The following TMEM147 variants were observed in gnomAD, a reference collection of about 807,000 sequenced individuals.
TMEM147 encodes the protein transmembrane protein 147.
A neutral mutation model predicts 29.4 loss-of-function variants in TMEM147; 29 were observed. The observed-to-expected ratio is 0.99, with a 90% confidence interval of 0.73 to 1.34. The LOEUF is 1.34. Ranked by LOEUF, TMEM147 falls within the 40% of genes most tolerant of loss-of-function variation. The pLI, the probability that TMEM147 is intolerant of heterozygous loss-of-function variation, is 0.00. For missense variants in TMEM147, 260 were observed against 289.4 expected (o/e 0.90, Z 0.74); for synonymous variants, 121 against 111.8 (o/e 1.08, Z -0.52).
chr19:35,546,610 G>A (rs1235293812), intron 3 of TMEM147, 25 bp downstream of exon 3: 2 of 1,610,874 alleles, frequency 1.2e-6, no homozygotes, highest in East Asian at 2.2e-5. Flanking sequence ...GGAAGGGAAG[G>A]GAGTTCAGGA....
chr19:35,546,707 G>T lies in TMEM147; in HGVS notation c.243G>T (p.Leu81=). ...FMKASVDVAD[L]IGLNLVMSRN... is the part of the protein sequence containing the mutation. ...AGGCCAGCGTGGATGTGGCAGACCTGATAGGTCTAAACCTTGTCATGTCCC... is the reference window on the plus strand; with the variant it reads ...AGGCCAGCGTGGATGTGGCAGACCTTATAGGTCTAAACCTTGTCATGTCCC... Residue 81 remains leucine, a synonymous_variant, in exon 4 of 7, where the codon CTG becomes CTT. Transcript: ENST00000222284. 1 of 1,614,160 alleles carries T rather than the reference G, an allele frequency of 6.2e-7. No individual in the cohort carries two copies. The highest frequency in any genetic ancestry group is 8.5e-7 in the Non-Finnish European group (1 of 1,179,994).
chr19:35,547,241 G>C lies in TMEM147; in HGVS notation c.551+1G>C. Reference sequence around the variant, plus strand: ...GTGTCTACAAGGCCTTTGTTATGGAGTGAGTTGGGTGGGGTTTAGGGCTGG... The same window carrying C: ...GTGTCTACAAGGCCTTTGTTATGGACTGAGTTGGGTGGGGTTTAGGGCTGG... On this transcript the variant is annotated splice_donor_variant, in intron 6 of 6. Transcript: ENST00000222284. LOFTEE classifies it high-confidence loss of function. The C allele has an allele frequency of 6.2e-7, 1 of 1,613,950 alleles. No individual in the cohort carries two copies. The highest frequency in any genetic ancestry group is 8.5e-7 in the Non-Finnish European group (1 of 1,179,874).
Position 35,545,936 on chromosome 19 carries a change from C to A in TMEM147, c.126C>A (p.Tyr42Ter), listed in dbSNP as rs1244333090. The A allele has an allele frequency of 1.2e-6, 2 of 1,613,772 alleles. No individual in the cohort carries two copies. The highest frequency in any genetic ancestry group is 1.7e-6 in the Non-Finnish European group (2 of 1,179,898). ...AATGCGTCCAGGCTGGAGTCACCTACCTCTTTGTCCAACTCTGCAAGGTGA... is the reference window on the plus strand; with the variant it reads ...AATGCGTCCAGGCTGGAGTCACCTAACTCTTTGTCCAACTCTGCAAGGTGA... The part of the protein sequence containing the change: ...FWKCVQAGVT[Y>*]LFVQLCKMLF... Residue 42 changes from tyrosine (Y) to a stop codon, truncating the protein, a stop_gained, in exon 2 of 7, where the codon TAC becomes TAA. Transcript: ENST00000222284. LOFTEE classifies it high-confidence loss of function.
chr19:35,545,860 G>A, intron 1 of TMEM147, 28 bp from the exon 2 acceptor site: 1 of 1,613,914 alleles, frequency 6.2e-7, no homozygotes, highest in Non-Finnish European at 8.5e-7. Context: ...GCGGGGCCCG[G>A]GCCGACCCTC....
chr19:35,546,388 C>A, intron 2 of TMEM147, 138 bp from the exon 3 acceptor site: 1 of 1,007,616 alleles, frequency 9.9e-7, no homozygotes, highest in Non-Finnish European at 1.4e-6. Context: ...ATTTTGCCAC[C>A]ATCTGGTGGT....
chr19:35,545,703 G>T lies in TMEM147; in HGVS notation c.-37G>T. ...GACCCGCTCCCGGAGACGCCGCCTC[G>T]CGATCCCCGCGCGGGCGGGACCGGG... On this transcript the variant is annotated 5_prime_UTR_variant, in exon 1 of 7. Coordinates refer to ENST00000222284, the MANE Select transcript of TMEM147 (RefSeq NM_032635.4). 1 of 1,600,408 alleles carries T rather than the reference G, an allele frequency of 6.2e-7. No homozygotes were observed. The highest frequency in any genetic ancestry group is 1.1e-5 in the South Asian group (1 of 90,814).
intron 1 of TMEM147, 30 bp from the exon 2 acceptor site, chr19:35,545,858 C>G: frequency 6.2e-7 from 1 of 1,613,706 alleles, no homozygotes; most frequent in Non-Finnish European, 8.5e-7. Flanking sequence ...GCGCGGGGCC[C>G]GGGCCGACCC....
Position 35,547,366 on chromosome 19 carries a change from A to C in TMEM147, c.594A>C (p.Leu198=), listed in dbSNP as rs1478569080. 1.2e-6 allele frequency: 2 copies of C among 1,613,910 alleles called. No individual in the cohort carries two copies. The highest frequency in any genetic ancestry group is 1.7e-6 in the Non-Finnish European group (2 of 1,180,022). The stretch of plus-strand genomic sequence containing the variant: ...GCTCGCTGGGCAGTTGGGCAGCTCT[A>C]CTGGCCCGAGCAGTGGTAACGGGGC... The part of the protein sequence containing the change: ...HLCSLGSWAA[L]LARAVVTGLL... Residue 198 remains leucine, a synonymous_variant, in exon 7 of 7, where the codon CTA becomes CTC. Coordinates refer to ENST00000222284, the MANE Select transcript of TMEM147 (RefSeq NM_032635.4).
In TMEM147 at chr19:35,546,576, C is replaced by T; in HGVS notation, c.198C>T (p.Asp66=). ...FFPTWEGGIY[D]FIGEFMKASV... is the part of the protein sequence containing the mutation. ...CCACCTGGGAAGGCGGCATCTATGA[C>T]TTCATTGGGGTGAGAGGGGCCAGGG... The change falls in exon 3 of 7, where the codon GAC becomes GAT. Residue 66 remains aspartate, a synonymous_variant. Coordinates refer to ENST00000222284, the MANE Select transcript of TMEM147 (RefSeq NM_032635.4). 6.2e-7 allele frequency: 1 copy of T among 1,613,474 alleles called. No homozygotes were observed. The highest frequency in any genetic ancestry group is 8.5e-7 in the Non-Finnish European group (1 of 1,179,768).
In TMEM147 at chr19:35,546,988, T is replaced by C; in HGVS notation, c.388T>C (p.Trp130Arg). Reference protein sequence around the residue: ...WVGARGIEFDWKYIQMSIDSN... With the variant: ...WVGARGIEFDRKYIQMSIDSN... ...CGGAGCCCGGGGCATTGAGTTTGAC[T>C]GGAAGTACATCCAGATGAGCATAGA... Residue 130 changes from tryptophan (W) to arginine (R), a missense_variant, in exon 5 of 7, where the codon TGG (tryptophan) becomes CGG (arginine). Coordinates refer to ENST00000222284, the MANE Select transcript of TMEM147 (RefSeq NM_032635.4). The C allele has an allele frequency of 6.2e-7, 1 of 1,614,210 alleles. No homozygotes were observed. The highest frequency in any genetic ancestry group is 8.5e-7 in the Non-Finnish European group (1 of 1,180,034).
rs1023688214 is a variant in TMEM147 at position 35,546,052 on chromosome 19, G to A, written c.147+95G>A. 3.3e-5 allele frequency: 46 copies of A among 1,392,620 alleles called. No individual in the cohort carries two copies. In the South Asian group the frequency reaches 5.3e-4, roughly 16 times the overall value. The allele number at this position is 1,392,620 out of a possible 1,614,324, so 86.3% of individuals were successfully genotyped here. A position where few individuals can be genotyped will look rare whatever the true frequency, so the allele number is the denominator to read the frequency against. On this transcript the variant is annotated intron_variant, in intron 2 of 6. Transcript: ENST00000222284. ...CCTATCCGCGCCCCCGCCGCCCCAC[G>A]GTGGGACCGCCCTCGGGACTCCGCA... is the stretch of plus-strand genomic sequence containing the variant.
chr19:35,545,725 C>A lies in TMEM147; in HGVS notation c.-15C>A. The A allele has an allele frequency of 4.4e-6, 7 of 1,608,180 alleles. No homozygotes were observed. The highest frequency in any genetic ancestry group is 5.9e-6 in the Non-Finnish European group (7 of 1,179,418). On this transcript the variant is annotated 5_prime_UTR_variant, in exon 1 of 7. Coordinates refer to ENST00000222284, the MANE Select transcript of TMEM147 (RefSeq NM_032635.4). ...CTCGCGATCCCCGCGCGGGCGGGAC[C>A]GGGCGGCCGGCATCATGACCCTGTT... is the stretch of plus-strand genomic sequence containing the variant.
In TMEM147 at chr19:35,545,881, T is replaced by TC. The variant is rs1387856390; in HGVS notation, c.78-6dup. ...CCCGGGCCGACCCTCACCTCCCGCT[T>TC]CTCCAGGTCCGAGTACAACGCCTTC... On this transcript the variant is annotated splice_region_variant and splice_polypyrimidine_tract_variant and intron_variant, in intron 1 of 6. Coordinates refer to ENST00000222284, the MANE Select transcript of TMEM147 (RefSeq NM_032635.4). 1 of 1,613,942 alleles carries TC rather than the reference T, an allele frequency of 6.2e-7. No homozygotes were observed. The highest frequency in any genetic ancestry group is 8.5e-7 in the Non-Finnish European group (1 of 1,179,904).
Position 35,546,683 on chromosome 19 carries a change from G to A in TMEM147, c.219G>A (p.Lys73=), listed in dbSNP as rs756077737. The change falls in exon 4 of 7, where the codon AAG becomes AAA. Residue 73 remains lysine, a synonymous_variant. Transcript: ENST00000222284. ...AACCTGACCCGCAGGAGTTCATGAA[G>A]GCCAGCGTGGATGTGGCAGACCTGA... is the stretch of plus-strand genomic sequence containing the variant. The part of the protein sequence containing the change: ...GIYDFIGEFM[K]ASVDVADLIG... 2 of 1,613,334 alleles carry A rather than the reference G, an allele frequency of 1.2e-6. No individual in the cohort carries two copies. Among genetic ancestry groups the A allele is most frequent in the Admixed American group, 3.3e-5 (2 of 59,966 alleles).
chr19:35,547,083 C>T (rs778961369), intron 5 of TMEM147, 36 bp from the exon 6 acceptor site: 2 of 1,614,212 alleles, frequency 1.2e-6, no homozygotes, highest in Admixed American at 3.3e-5. Flanking sequence ...CATACTCCTC[C>T]CCAAGGCCTG....
rs1406028900 is a variant in TMEM147 at position 35,547,382 on chromosome 19, G to C, written c.610G>C (p.Val204Leu). Residue 204 changes from valine to leucine, a missense_variant, in exon 7 of 7, where the codon GTA (valine) becomes CTA (leucine). Val to Leu is a conservative substitution (Grantham distance 32). Coordinates refer to ENST00000222284, the MANE Select transcript of TMEM147 (RefSeq NM_032635.4). ...SWAALLARAV[V>L]TGLLALSTLA... ...GGCAGCTCTACTGGCCCGAGCAGTG[G>C]TAACGGGGCTGCTGGCCCTCAGCAC... 3 of 1,613,972 alleles carry C rather than the reference G, an allele frequency of 1.9e-6. No individual in the cohort carries two copies. In the Admixed American group the frequency reaches 5.0e-5, roughly 27 times the overall value.
chr19:35,546,435 C>A lies in TMEM147; in HGVS notation c.148-91C>A. ...ATGGGCCCCCAGAACCTGTCCTGCC[C>A]TCTTCCTACCCACGAACTTCCCACA... On this transcript the variant is annotated intron_variant, in intron 2 of 6. Coordinates refer to ENST00000222284, the MANE Select transcript of TMEM147 (RefSeq NM_032635.4). 3.4e-6 allele frequency: 5 copies of A among 1,471,948 alleles called. No individual in the cohort carries two copies. In the South Asian group the frequency reaches 6.6e-5, roughly 20 times the overall value. 91.2% of individuals were successfully genotyped at this position (1,471,948 alleles called of 1,614,324 possible).
intron 4 of TMEM147, 36 bp from the exon 5 acceptor site, chr19:35,546,909 T>C (rs1195611538): frequency 1.2e-6 from 2 of 1,614,150 alleles, no homozygotes; most frequent in Non-Finnish European, 1.7e-6. Flanking sequence ...TGAAGGTGTC[T>C]GAGTACTGGA....
intron 5 of TMEM147, 23 bp downstream of exon 5, chr19:35,547,052 A>T: frequency 6.2e-7 from 1 of 1,614,134 alleles, no homozygotes; most frequent in Non-Finnish European, 8.5e-7. Flanking sequence ...GCTCTCCCAC[A>T]TACACATTTC....
Sources: gnomAD v4.1 joint callset for allele counts on GRCh38, gnomAD v4.1.1 for gene constraint, MANE v1.5 for transcripts, NCBI Gene and HGNC (gene_info 2026-07-23, HGNC 2026-07-21) for gene names.